DMD: variants seen among roughly 807,000 people sequenced by gnomAD.
DMD encodes dystrophin.
A neutral mutation model predicts 330.1 loss-of-function variants in DMD; 63 were observed. The ratio of observed to expected loss-of-function variants is 0.19; its 90% CI spans 0.16 to 0.24. The LOEUF (loss-of-function observed/expected upper bound fraction) is 0.24, where lower values mean the gene tolerates loss of function less well. Among genes scored for constraint, DMD ranks in the 10% least tolerant of loss-of-function variants. DMD has a pLI of 1.00. For synonymous variants in DMD, 1,223 were observed against 959.8 expected (o/e 1.27, Z -5.07); for missense variants, 3,344 against 2,684.1 (o/e 1.25, Z -5.43).
At chrX:32,678,948 G>A (rs1396046805) in intron 9 of DMD, among the ~76,000 whole-genome samples, 2 of 111,408 alleles carry the variant, frequency 1.8e-5, no homozygotes, top group Non-Finnish European at 3.8e-5. Flanking sequence ...TGTACTGAAA[G>A]AAAAAACAAC....
chrX:32,355,653 A>C (rs1377977933), intron 37 of DMD, among the ~76,000 whole-genome samples: 2 of 111,412 alleles, frequency 1.8e-5, no homozygotes, highest in African/African-American at 3.3e-5. Flanking sequence ...CCAATTACAC[A>C]TGTGGAAAAA....
At chrX:32,680,246 T>C (rs759909234) in intron 9 of DMD, among the ~76,000 whole-genome samples, 1 of 111,272 alleles carries the variant, frequency 9.0e-6, no homozygotes, top group Non-Finnish European at 1.9e-5. Flanking sequence ...TAAGCTATCA[T>C]ATTGATTATG....
At chrX:31,385,156 C>A (rs1257497312) in intron 60 of DMD, among the ~76,000 whole-genome samples, 1 of 112,103 alleles carries the variant, frequency 8.9e-6, no homozygotes, top group African/African-American at 3.2e-5. Flanking sequence ...AGTTAATTCA[C>A]CTCAGGACCA....
At chrX:32,229,571 G>T (rs1161757277) in intron 43 of DMD, among the ~76,000 whole-genome samples, 1 of 101,481 alleles carries the variant, frequency 9.9e-6, no homozygotes, top group Non-Finnish European at 2.0e-5. Context: ...TTTTATTAGG[G>T]TGATTATTTT....
At chrX:31,158,379 T>A (rs1284804600) in intron 74 of DMD, among the ~76,000 whole-genome samples, 1 of 112,080 alleles carries the variant, frequency 8.9e-6, no homozygotes, top group East Asian at 2.8e-4. Flanking sequence ...TCATTTACAT[T>A]AACAGTCCAG....
At chrX:31,434,386 T>A (rs2064310523) in intron 60 of DMD, among the ~76,000 whole-genome samples, 1 of 100,565 alleles carries the variant, frequency 9.9e-6, no homozygotes, top group African/African-American at 3.6e-5. Context: ...TGATTGCCCT[T>A]TCCTGCCTCT....
At chrX:32,811,136 C>G (rs1345959405) in intron 6 of DMD, among the ~76,000 whole-genome samples, 1 of 105,700 alleles carries the variant, frequency 9.5e-6, no homozygotes, top group East Asian at 3.0e-4. Flanking sequence ...GAGTTAGAGA[C>G]CAACCTGAAC....
At position 33,122,999 on chromosome X, in the gene DMD, G is replaced by A. The variant is rs141617398; in HGVS notation, c.31+88283C>T. Among the ~76,000 whole-genome samples, 492 of 112,219 alleles carry A rather than the reference G, an allele frequency of 4.4e-3. 3 individuals are homozygous for A. Among genetic ancestry groups the A allele is most frequent in the African/African-American group, 0.015 (474 of 30,961 alleles). On this transcript the variant is annotated intron_variant, in intron 1 of 78. Transcript: ENST00000357033. ...CAGTCAATGATAAACTGCATATACC[G>A]CAGTGGTCCCATTTGATTATAACAC...
intron 45 of DMD, among the ~76,000 whole-genome samples, chrX:31,951,111 C>CTATATA (rs1190843934): frequency 1.5e-5 from 1 of 66,856 alleles, no homozygotes; most frequent in Non-Finnish European, 2.8e-5. Context: ...AACACACATA[C>CTATATA]TATATATATA....
At chrX:31,227,705 C>T (rs2046756142) in intron 63 of DMD, among the ~76,000 whole-genome samples, 1 of 110,994 alleles carries the variant, frequency 9.0e-6, no homozygotes, top group Non-Finnish European at 1.9e-5. Flanking sequence ...TGACCATTTT[C>T]ACGATATTGA....
chrX:32,198,049 G>T (rs1010863082), intron 44 of DMD, among the ~76,000 whole-genome samples: 3 of 111,405 alleles, frequency 2.7e-5, no homozygotes, highest in African/African-American at 9.8e-5. Context: ...ATGATACCAG[G>T]TCCTGAAAAT....
At chrX:32,033,603 C>CAGAG (rs1217395754) in intron 44 of DMD, among the ~76,000 whole-genome samples, 5 of 59,926 alleles carry the variant, frequency 8.3e-5, no homozygotes, top group African/African-American at 3.9e-4. Context: ...GACAGACAGA[C>CAGAG]AGAAAGAAAG....
intron 2 of DMD, among the ~76,000 whole-genome samples, chrX:32,850,115 A>C (rs933842769): frequency 5.4e-5 from 6 of 112,056 alleles, no homozygotes; most frequent in Non-Finnish European, 1.1e-4. Context: ...GAGAGAAAAA[A>C]TACAGGCATG....
intron 49 of DMD, among the ~76,000 whole-genome samples, chrX:31,822,027 T>C (rs1430430344): frequency 8.9e-6 from 1 of 112,448 alleles, no homozygotes; most frequent in Non-Finnish European, 1.9e-5. Flanking sequence ...AGAAAAATAA[T>C]TGTTCAGGTG....
At chrX:32,267,736 T>C (rs995370269) in intron 43 of DMD, among the ~76,000 whole-genome samples, 2 of 112,542 alleles carry the variant, frequency 1.8e-5, no homozygotes, top group African/African-American at 6.5e-5. Context: ...AAATTATTTC[T>C]ATATTGGTGA....
intron 50 of DMD, among the ~76,000 whole-genome samples, chrX:31,775,941 C>T (rs763300020): frequency 1.4e-3 from 151 of 111,719 alleles, no homozygotes; most frequent in African/African-American, 4.8e-3. Context: ...TGTCACGAAA[C>T]AATGATTGAA....
At chrX:31,990,321 C>G (rs7889262) in intron 44 of DMD, among the ~76,000 whole-genome samples, 5,232 of 111,206 alleles carry the variant, frequency 0.047, 295 homozygotes, top group African/African-American at 0.16. Flanking sequence ...CCTGGAGTAA[C>G]CTTTAAGGCA....
At chrX:32,000,718 C>T (rs970804910) in intron 44 of DMD, among the ~76,000 whole-genome samples, 5 of 111,678 alleles carry the variant, frequency 4.5e-5, no homozygotes, top group African/African-American at 1.6e-4. Flanking sequence ...CTGTACTTTC[C>T]AGTGGGATAG....
At chrX:32,751,484 C>G (rs1165076677) in intron 7 of DMD, among the ~76,000 whole-genome samples, 2 of 111,590 alleles carry the variant, frequency 1.8e-5, no homozygotes, top group Non-Finnish European at 3.8e-5. Flanking sequence ...AACTTCTAAG[C>G]AGCAAAGCAT....
Sources: gnomAD v4.1 joint callset for allele counts (sites outside exome capture counted in the v4.1 genomes callset) on GRCh38, gnomAD v4.1.1 for gene constraint, MANE v1.5 for transcripts, NCBI Gene and HGNC (gene_info 2026-07-23, HGNC 2026-07-21) for gene names.